The following KALRN variants were observed in gnomAD, a reference collection of about 807,000 sequenced individuals.
KALRN encodes kalirin.
Under a neutral mutation model 353.7 loss-of-function variants are expected in KALRN, and 70 were observed. That is an observed-to-expected ratio of 0.20 (90% confidence interval 0.16 to 0.24). The LOEUF (loss-of-function observed/expected upper bound fraction) is 0.24. Among genes scored for constraint, KALRN ranks in the 10% least tolerant of loss-of-function variants. The pLI is 1.00. For synonymous variants in KALRN, 1,391 were observed against 1,434.8 expected, an observed-to-expected ratio of 0.97 and a Z score of 0.69; for missense variants, 2,791 against 3,756.7, an observed-to-expected ratio of 0.74 and a Z score of 6.72.
In KALRN at chr3:124,461,876, T is replaced by C. The variant is rs1167710294; in HGVS notation, c.3855-14T>C. On this transcript the variant is annotated splice_polypyrimidine_tract_variant and intron_variant, in intron 23 of 59. Transcript: ENST00000682506. ...TATCTATATCCAAGTAAAAGCCCAT[T>C]TGTTTCCTTCTAGATTTATTATGGC... 4.4e-6 allele frequency: 7 copies of C among 1,606,024 alleles called. No homozygotes were observed. The East Asian group carries it at 1.6e-4, about 36-fold the overall frequency.
chr3:124,397,757 G>A (rs2090345986), intron 12 of KALRN, among the ~76,000 whole-genome samples: 1 of 152,166 alleles, frequency 6.6e-6, no homozygotes, highest in Non-Finnish European at 1.5e-5. Flanking sequence ...GCTCAGAGGA[G>A]GCTGCACCCC....
chr3:124,499,612 T>C (rs868145661), intron 33 of KALRN, among the ~76,000 whole-genome samples: 2 of 152,224 alleles, frequency 1.3e-5, no homozygotes, highest in African/African-American at 4.8e-5. Context: ...CCTAAAGTGA[T>C]GTAGCTTCAA....
chr3:124,375,200 G>A (rs139144836), intron 10 of KALRN, among the ~76,000 whole-genome samples: 159 of 152,168 alleles, frequency 1.0e-3, no homozygotes, highest in South Asian at 3.7e-3. Context: ...ATGAATACCC[G>A]CTGGCTATAT....
At chr3:124,383,724 A>G (rs1393195199) in intron 10 of KALRN, among the ~76,000 whole-genome samples, 1 of 152,166 alleles carries the variant, frequency 6.6e-6, no homozygotes, top group East Asian at 1.9e-4. Flanking sequence ...GGGGATTAGG[A>G]GTTCAACATG....
intron 47 of KALRN, among the ~76,000 whole-genome samples, chr3:124,668,173 C>T (rs2085914787): frequency 6.6e-6 from 1 of 152,122 alleles, no homozygotes; most frequent in Non-Finnish European, 1.5e-5. Flanking sequence ...CAGGAGCGCA[C>T]ACACAGGTAC....
At chr3:124,646,713 T>A (rs891190899) in intron 37 of KALRN, among the ~76,000 whole-genome samples, 2 of 143,502 alleles carry the variant, frequency 1.4e-5, no homozygotes, top group African/African-American at 5.2e-5. Flanking sequence ...TTTTTTTTTT[T>A]AATTAATAGT....
At chr3:124,532,446 T>C (rs1266250311) in intron 33 of KALRN, among the ~76,000 whole-genome samples, 1 of 152,226 alleles carries the variant, frequency 6.6e-6, no homozygotes, top group African/African-American at 2.4e-5. Flanking sequence ...GTTTTGATCC[T>C]AATTCTGCTA....
intron 34 of KALRN, among the ~76,000 whole-genome samples, chr3:124,611,399 G>A (rs889252167): frequency 6.6e-6 from 1 of 152,198 alleles, no homozygotes; most frequent in Non-Finnish European, 1.5e-5. Flanking sequence ...GCATAGGATG[G>A]CCTTGTATGT....
intron 53 of KALRN, among the ~76,000 whole-genome samples, chr3:124,695,377 G>C (rs2062005160): frequency 6.6e-6 from 1 of 152,160 alleles, no homozygotes; most frequent in Non-Finnish European, 1.5e-5. Context: ...GACTTAATTT[G>C]TGTGTATGGG....
chr3:124,523,789 G>A (rs1333570610), intron 33 of KALRN, among the ~76,000 whole-genome samples: 1 of 152,030 alleles, frequency 6.6e-6, no homozygotes, highest in Non-Finnish European at 1.5e-5. Context: ...TCTCCTCTTG[G>A]TGAGACAGTG....
At chr3:124,491,498 A>C (rs1207333581) in intron 31 of KALRN, 74 bp downstream of exon 31, 9 of 1,081,350 alleles carry the variant, frequency 8.3e-6, no homozygotes, top group Non-Finnish European at 1.2e-5. Flanking sequence ...GTGACACCTC[A>C]AAGCTAAGGC....
chr3:124,300,336 G>C (rs1046883241), intron 6 of KALRN, among the ~76,000 whole-genome samples: 1 of 152,148 alleles, frequency 6.6e-6, no homozygotes, highest in African/African-American at 2.4e-5. Context: ...AAATGTCAGT[G>C]GTTGAAAACA....
chr3:124,086,308 GTTGT>G (rs1291022385), intron 1 of KALRN, among the ~76,000 whole-genome samples: 1 of 89,860 alleles, frequency 1.1e-5, no homozygotes, highest in Non-Finnish European at 2.4e-5. Context: ...TGGTTGTTTT[GTTGT>G]GTGTGTGTGT....
At chr3:124,598,641 G>GT (rs984926468) in intron 34 of KALRN, among the ~76,000 whole-genome samples, 5 of 149,856 alleles carry the variant, frequency 3.3e-5, no homozygotes, top group Admixed American at 6.6e-5. Flanking sequence ...CGTTTTGTTT[G>GT]TTTTTTTGTG....
intron 1 of KALRN, among the ~76,000 whole-genome samples, chr3:124,156,234 A>T (rs1217374972): frequency 6.6e-6 from 1 of 152,202 alleles, no homozygotes; most frequent in East Asian, 1.9e-4. Flanking sequence ...CTGACCCGAA[A>T]GTCTTGGCTG....
At chr3:124,112,073 C>T (rs538522326) in intron 1 of KALRN, among the ~76,000 whole-genome samples, 18 of 152,078 alleles carry the variant, frequency 1.2e-4, no homozygotes, top group South Asian at 4.2e-4. Context: ...GAGGCTGAGG[C>T]GGGCAGATCA....
At chr3:124,314,783 A>T (rs2078648147) in intron 6 of KALRN, among the ~76,000 whole-genome samples, 1 of 152,110 alleles carries the variant, frequency 6.6e-6, no homozygotes, top group African/African-American at 2.4e-5. Context: ...CAGCCTCTCA[A>T]GTAGCTGGAC....
chr3:124,585,563 A>G (rs34912626), intron 34 of KALRN, among the ~76,000 whole-genome samples: 3 of 152,082 alleles, frequency 2.0e-5, no homozygotes, highest in Middle Eastern at 3.4e-3. Context: ...GCAGGAAGCA[A>G]CCAATTTCCC....
intron 5 of KALRN, among the ~76,000 whole-genome samples, chr3:124,285,597 A>G (rs1398129843): frequency 6.6e-6 from 1 of 152,170 alleles, no homozygotes; most frequent in Non-Finnish European, 1.5e-5. Context: ...GTGCAGTGGC[A>G]TGATCCCAGC....
Sources: allele counts gnomAD v4.1 joint callset (sites outside exome capture counted in the v4.1 genomes callset), GRCh38; gene constraint gnomAD v4.1.1; transcripts MANE v1.5; gene names NCBI Gene and HGNC (gene_info 2026-07-23, HGNC 2026-07-21).